Variants in TNR observed in about 807,000 individuals in gnomAD.
TNR encodes tenascin R, also known as tenascin-R.
Under a neutral mutation model 150.4 loss-of-function variants are expected in TNR, and 45 were observed. The ratio of observed to expected loss-of-function variants is 0.30; its 90% CI spans 0.24 to 0.38. The LOEUF is 0.38. Ranked by LOEUF, TNR falls within the 10% of genes least tolerant of loss-of-function variation. The pLI, the probability that TNR is intolerant of heterozygous loss-of-function variation, is 1.00. For missense variants in TNR, 1,544 were observed against 1,759.1 expected, an observed-to-expected ratio of 0.88 and a Z score of 2.19; for synonymous variants, 687 against 678.4, an observed-to-expected ratio of 1.01 and a Z score of -0.20.
intron 1 of TNR, among the ~76,000 whole-genome samples, chr1:175,666,674 A>G (rs994139696): frequency 7.9e-5 from 12 of 152,172 alleles, no homozygotes; most frequent in African/African-American, 2.9e-4. Flanking sequence ...TTCAGTTCCC[A>G]CATCTCTGAA....
intron 2 of TNR, among the ~76,000 whole-genome samples, chr1:175,420,000 T>C (rs1654681290): frequency 6.6e-6 from 1 of 152,152 alleles, no homozygotes; most frequent in African/African-American, 2.4e-5. Context: ...AGGCGTGGTG[T>C]GGAGGAGAGT....
rs144749935 is a variant in TNR at position 175,679,450 on chromosome 1, A to G, written c.-165+63776T>C. Reference sequence around the variant, plus strand: ...GGAGGGAGAGAGACAACATTAATAGAAGACATGATCCCTGTGTTCAAAATA... The same window carrying G: ...GGAGGGAGAGAGACAACATTAATAGGAGACATGATCCCTGTGTTCAAAATA... On this transcript the variant is annotated intron_variant, in intron 1 of 22. Transcript: ENST00000367674. Among the ~76,000 whole-genome samples, 309 of 152,360 alleles carry G rather than the reference A, an allele frequency of 2.0e-3. 2 individuals carry two copies. The highest frequency in any genetic ancestry group is 7.1e-3 in the African/African-American group (295 of 41,586).
At chr1:175,435,969 A>G (rs1655490060) in intron 2 of TNR, among the ~76,000 whole-genome samples, 1 of 151,972 alleles carries the variant, frequency 6.6e-6, no homozygotes, top group Non-Finnish European at 1.5e-5. Context: ...ATTGGCCCCC[A>G]CTCTCTTCTG....
chr1:175,559,155 G>T (rs994592862), intron 1 of TNR, among the ~76,000 whole-genome samples: 1 of 152,126 alleles, frequency 6.6e-6, no homozygotes, highest in African/African-American at 2.4e-5. Flanking sequence ...CTTCTATGGG[G>T]AATGAAGAGA....
In TNR at chr1:175,336,005, C is replaced by G. The variant is rs550450147; in HGVS notation, c.3535-198G>C. On this transcript the variant is annotated intron_variant, in intron 19 of 22. Coordinates refer to ENST00000367674, the MANE Select transcript of TNR (RefSeq NM_003285.3). ...CAGTTTTTGTAGGAGACACTCAGAG[C>G]ATTTCTCTTGAAGTGTAGAGGCCCC... Among the ~76,000 whole-genome samples, 11 of 152,330 alleles carry G rather than the reference C, an allele frequency of 7.2e-5. No homozygotes were observed. In the South Asian group the frequency reaches 2.1e-3, roughly 29 times the overall value.
chr1:175,731,622 T>C (rs1393964041), intron 1 of TNR, among the ~76,000 whole-genome samples: 1 of 152,164 alleles, frequency 6.6e-6, no homozygotes. Flanking sequence ...AGAGGCTCAA[T>C]GATTTCATTA....
intron 1 of TNR, among the ~76,000 whole-genome samples, chr1:175,648,585 C>T (rs1186611029): frequency 1.3e-5 from 2 of 152,162 alleles, no homozygotes; most frequent in African/African-American, 2.4e-5. Flanking sequence ...ACACAATTCA[C>T]TCCTTCTCAG....
intron 1 of TNR, among the ~76,000 whole-genome samples, chr1:175,735,550 C>A (rs1159231788): frequency 1.3e-5 from 2 of 152,204 alleles, no homozygotes; most frequent in African/African-American, 2.4e-5. Flanking sequence ...CTTCACGAAG[C>A]AGGCAGCAGC....
chr1:175,653,042 G>C (rs1379419226), intron 1 of TNR, among the ~76,000 whole-genome samples: 1 of 152,226 alleles, frequency 6.6e-6, no homozygotes. Context: ...CCATCAGGGA[G>C]AGGAAAATAA....
intron 2 of TNR, among the ~76,000 whole-genome samples, chr1:175,407,350 A>G (rs1365257962): frequency 6.6e-6 from 1 of 152,248 alleles, no homozygotes; most frequent in Non-Finnish European, 1.5e-5. Flanking sequence ...ATTTGTGATT[A>G]TCTAGGGCTG....
intron 1 of TNR, 90 bp from the exon 2 acceptor site, chr1:175,528,459 C>A (rs772426978): frequency 6.6e-6 from 1 of 152,134 alleles, no homozygotes; most frequent in Non-Finnish European, 1.5e-5. Flanking sequence ...TACCACATCG[C>A]CTTTAAAATA....
At chr1:175,529,153 G>A (rs144426026) in intron 1 of TNR, among the ~76,000 whole-genome samples, 5 of 152,300 alleles carry the variant, frequency 3.3e-5, no homozygotes, top group South Asian at 2.1e-4. Flanking sequence ...TTGGTGGCTC[G>A]ATAATTATGC....
At chr1:175,651,195 C>CACCTCATTACTCCTCCTCCCCA (rs1430654956) in intron 1 of TNR, among the ~76,000 whole-genome samples, 2 of 150,264 alleles carry the variant, frequency 1.3e-5, no homozygotes, top group African/African-American at 4.9e-5. Context: ...TACCCCTCCC[C>CACCTCATTACTCCTCCTCCCCA]ACCTCATTAC....
intron 7 of TNR, among the ~76,000 whole-genome samples, chr1:175,388,890 G>A (rs990067183): frequency 2.0e-5 from 3 of 152,180 alleles, no homozygotes; most frequent in Non-Finnish European, 4.4e-5. Context: ...AATGTTATAA[G>A]AATGTGGTTT....
intron 1 of TNR, among the ~76,000 whole-genome samples, chr1:175,710,137 G>T (rs1025791661): frequency 6.6e-6 from 1 of 152,142 alleles, no homozygotes; most frequent in African/African-American, 2.4e-5. Context: ...ATTGGAGCAT[G>T]ACAAGAGGAG....
intron 1 of TNR, among the ~76,000 whole-genome samples, chr1:175,704,301 CA>C (rs1266557967): frequency 1.3e-5 from 2 of 152,146 alleles, no homozygotes; most frequent in African/African-American, 4.8e-5. Context: ...AGACTTTAGT[CA>C]AAGGTTTAGT....
chr1:175,516,445 G>T (rs1220799925), intron 2 of TNR, among the ~76,000 whole-genome samples: 1 of 152,188 alleles, frequency 6.6e-6, no homozygotes, highest in African/African-American at 2.4e-5. Context: ...AATGAGGAAT[G>T]GTTTCTAAGG....
At chr1:175,486,186 G>C (rs1392405577) in intron 2 of TNR, among the ~76,000 whole-genome samples, 2 of 151,062 alleles carry the variant, frequency 1.3e-5, no homozygotes, top group African/African-American at 4.9e-5. Flanking sequence ...CAGGTTTGTT[G>C]CATCGGTATA....
intron 2 of TNR, among the ~76,000 whole-genome samples, chr1:175,440,782 G>T (rs1655749442): frequency 6.6e-6 from 1 of 152,272 alleles, no homozygotes; most frequent in Admixed American, 6.5e-5. Flanking sequence ...AGGACTGAGA[G>T]CTGACCACTG....
Sources: gnomAD v4.1 joint callset for allele counts (sites outside exome capture counted in the v4.1 genomes callset) on GRCh38, gnomAD v4.1.1 for gene constraint, MANE v1.5 for transcripts, NCBI Gene and HGNC (gene_info 2026-07-23, HGNC 2026-07-21) for gene names.